ARB2A: variants seen among roughly 807,000 people sequenced by gnomAD.
ARB2A encodes the protein ARB2 cotranscriptional regulator A, also known as cotranscriptional regulator ARB2A.
At chr5:93,943,259 T>C in the ARB2A span, among the ~76,000 whole-genome samples, 1 of 152,130 alleles carries the variant, frequency 6.6e-6, no homozygotes, top group East Asian at 1.9e-4. Context: ...ATCAATTTAT[T>C]AACAAGTAAT....
the ARB2A span, chr5:93,734,147 A>G: frequency 5.3e-5 from 8 of 152,204 alleles, no homozygotes; most frequent in Non-Finnish European, 1.0e-4. Context: ...TAGGAAAAAG[A>G]GAAATTGTTC....
the ARB2A span, among the ~76,000 whole-genome samples, chr5:93,721,781 C>T: frequency 2.0e-5 from 3 of 151,882 alleles, no homozygotes; most frequent in South Asian, 6.3e-4. Flanking sequence ...GATCAAACTG[C>T]CAAGTATACA....
At chr5:93,736,354 GAGTT>G in the ARB2A span, 1 of 152,178 alleles carries the variant, frequency 6.6e-6, no homozygotes, top group Non-Finnish European at 1.5e-5. Flanking sequence ...TCTTTTTAAA[GAGTT>G]AGAAGAATGT....
At chr5:93,965,250 G>C in the ARB2A span, among the ~76,000 whole-genome samples, 2 of 151,964 alleles carry the variant, frequency 1.3e-5, no homozygotes, top group Non-Finnish European at 2.9e-5. Context: ...TTTCAACATG[G>C]AGGAAGAAAA....
chr5:94,059,180 GA>G, the ARB2A span, among the ~76,000 whole-genome samples: 15,865 of 142,840 alleles, frequency 0.11, 936 homozygotes, highest in Middle Eastern at 0.17. Flanking sequence ...AGAACTGAGG[GA>G]AAAAAAAAAA....
the ARB2A span, among the ~76,000 whole-genome samples, chr5:93,910,153 A>C: frequency 5.3e-5 from 8 of 150,996 alleles, no homozygotes; most frequent in African/African-American, 1.9e-4. Context: ...TGACAAAACA[A>C]AATACAACTT....
chr5:93,968,621 AAG>A, the ARB2A span, among the ~76,000 whole-genome samples: 1 of 152,202 alleles, frequency 6.6e-6, no homozygotes, highest in Admixed American at 6.5e-5. Context: ...CAAGGAGGAG[AAG>A]AGAGAAGAAA....
the ARB2A span, among the ~76,000 whole-genome samples, chr5:93,845,831 T>C: frequency 4.6e-5 from 7 of 152,190 alleles, no homozygotes; most frequent in Non-Finnish European, 7.4e-5. Context: ...CAAAATGGTA[T>C]AGTCAGAAGC....
chr5:94,048,900 G>C, the ARB2A span, among the ~76,000 whole-genome samples: 2 of 152,116 alleles, frequency 1.3e-5, no homozygotes, highest in African/African-American at 2.4e-5. Context: ...CAAAGTCTTT[G>C]CTCAGAGATA....
the ARB2A span, among the ~76,000 whole-genome samples, chr5:93,663,313 A>G: frequency 6.6e-6 from 1 of 152,182 alleles, no homozygotes; most frequent in South Asian, 2.1e-4. Context: ...AAACTTTTCT[A>G]TACAGTTATT....
the ARB2A span, among the ~76,000 whole-genome samples, chr5:94,089,747 A>T: frequency 6.6e-6 from 1 of 152,128 alleles, no homozygotes; most frequent in Non-Finnish European, 1.5e-5. Context: ...CGAAGATTCC[A>T]AACACAAAAT....
At chr5:93,856,087 T>A in the ARB2A span, among the ~76,000 whole-genome samples, 5 of 151,970 alleles carry the variant, frequency 3.3e-5, no homozygotes, top group African/African-American at 1.2e-4. Flanking sequence ...GCTGAATGTA[T>A]AACTAGAATA....
chr5:93,910,595 G>A, the ARB2A span: 4 of 151,370 alleles, frequency 2.6e-5, no homozygotes, highest in East Asian at 5.8e-4. Context: ...TACTACTTTA[G>A]TTCTTCACAA....
chr5:93,969,024 T>C, the ARB2A span, among the ~76,000 whole-genome samples: 38 of 149,756 alleles, frequency 2.5e-4, no homozygotes, highest in Admixed American at 1.5e-3. Context: ...TTTTCTTTTT[T>C]TTTTTTTTTT....
At chr5:94,079,859 T>C in the ARB2A span, among the ~76,000 whole-genome samples, 6,268 of 152,228 alleles carry the variant, frequency 0.041, 183 homozygotes, top group East Asian at 0.14. Context: ...TTAAAAGAAA[T>C]AGTATTGCAC....
At chr5:94,034,574 T>C in the ARB2A span, among the ~76,000 whole-genome samples, 2 of 152,204 alleles carry the variant, frequency 1.3e-5, no homozygotes, top group South Asian at 2.1e-4. Flanking sequence ...TATGAAACCA[T>C]GACTTTGCTT....
chr5:93,620,388 A>T, the ARB2A span: 1 of 151,946 alleles, frequency 6.6e-6, no homozygotes, highest in Admixed American at 6.6e-5. Flanking sequence ...GGAGAGAACA[A>T]TTTGCATTCC....
At chr5:93,817,391 T>G in the ARB2A span, among the ~76,000 whole-genome samples, 2 of 152,302 alleles carry the variant, frequency 1.3e-5, no homozygotes, top group Non-Finnish European at 2.9e-5. Context: ...ATTGTCAAGA[T>G]GGCAACACTC....
the ARB2A span, chr5:93,739,254 G>T: frequency 1.3e-5 from 2 of 151,146 alleles, no homozygotes; most frequent in African/African-American, 4.9e-5. Flanking sequence ...AAAAAAGAAA[G>T]AAAGAAAGAA....
Sources: allele counts gnomAD v4.1 joint callset (sites outside exome capture counted in the v4.1 genomes callset), GRCh38; gene constraint gnomAD v4.1.1; transcripts MANE v1.5; gene names NCBI Gene and HGNC (gene_info 2026-07-23, HGNC 2026-07-21).